KATNAL2: variants seen among roughly 807,000 people sequenced by gnomAD.
KATNAL2 encodes katanin catalytic subunit A1 like 2.
A neutral mutation model predicts 76.3 loss-of-function variants in KATNAL2; 52 were observed. That is an observed-to-expected ratio of 0.68 (90% CI 0.55 to 0.86). The LOEUF is 0.86. Ranked by LOEUF, KATNAL2 falls within the 40% of genes least tolerant of loss-of-function variation. KATNAL2 has a pLI of 0.00. For synonymous variants in KATNAL2, 243 were observed against 244.2 expected (o/e 1.00, Z 0.05); for missense variants, 660 against 668.9 (o/e 0.99, Z 0.15).
intron 3 of KATNAL2, among the ~76,000 whole-genome samples, chr18:47,044,772 CAA>C (rs1569072756): frequency 2.3e-5 from 1 of 43,612 alleles, no homozygotes; most frequent in Non-Finnish European, 5.7e-5. Context: ...AAAAAAAAAA[CAA>C]AAACAAAAAC....
chr18:46,947,114 A>C (rs2059404947), intron 3 of KATNAL2, among the ~76,000 whole-genome samples, 191 bp downstream of exon 3: 1 of 152,230 alleles, frequency 6.6e-6, no homozygotes, highest in Non-Finnish European at 1.5e-5. Flanking sequence ...AGGGAAAAAT[A>C]AATGAGACAC....
At chr18:46,936,664 T>A (rs1461153810) in intron 1 of KATNAL2, among the ~76,000 whole-genome samples, 1 of 152,050 alleles carries the variant, frequency 6.6e-6, no homozygotes, top group African/African-American at 2.4e-5. Flanking sequence ...CATATCCAAA[T>A]TTATGGGCCA....
rs1195140135 is a variant in KATNAL2 at position 47,043,226 on chromosome 18, C to CAAAAAAAAAAAAAAAAAAAAAAAAAAAA, written c.52-3212_52-3211insAAAAAAAAAAAAAAAAAAAAAAAAAAAA. On this transcript the variant is annotated intron_variant, in intron 3 of 17. Coordinates refer to ENST00000683218, the MANE Select transcript of KATNAL2 (RefSeq NM_001387690.1). ...CCGGCGACAGAGCGAGACTCCGTTTCAAAAAAAAAAAAAAAAAAAGAGATC... is the reference window on the plus strand; with the variant it reads ...CCGGCGACAGAGCGAGACTCCGTTTCAAAAAAAAAAAAAAAAAAAAAAAAAAAAAAAAAAAAAAAAAAAAAAAGAGATC... Among the ~76,000 whole-genome samples the CAAAAAAAAAAAAAAAAAAAAAAAAAAAA allele has an allele frequency of 6.2e-4, 26 of 41,680 alleles. 8 individuals carry two copies. The highest frequency in any genetic ancestry group is 0.01 in the Middle Eastern group (1 of 96). The allele number at this position is 41,680 out of a possible 152,430, so 27.3% of individuals were successfully genotyped here.
chr18:47,033,095 C>G (rs2060558641), intron 3 of KATNAL2: 11 of 1,613,954 alleles, frequency 6.8e-6, no homozygotes, highest in Non-Finnish European at 9.3e-6. Context: ...GTTTTGGCCG[C>G]GGGCGCCGCG....
intron 1 of KATNAL2, among the ~76,000 whole-genome samples, chr18:46,924,488 A>G (rs2058669489): frequency 1.3e-5 from 2 of 152,178 alleles, no homozygotes; most frequent in Non-Finnish European, 1.5e-5. Flanking sequence ...GCCTTGTAGT[A>G]TAGTTTGAAG....
At chr18:47,033,194 T>C (rs747262232) in intron 3 of KATNAL2, 1 of 1,614,116 alleles carries the variant, frequency 6.2e-7, no homozygotes, top group South Asian at 1.1e-5. Context: ...CCACCGCCGC[T>C]GCTGCTCTGG....
intron 3 of KATNAL2, among the ~76,000 whole-genome samples, chr18:47,031,915 A>C (rs1409205055): frequency 1.3e-5 from 2 of 152,102 alleles, no homozygotes; most frequent in South Asian, 4.1e-4. Context: ...CATATCTGGC[A>C]TACGTTCCTT....
chr18:47,040,281 G>T (rs550063750), intron 3 of KATNAL2, among the ~76,000 whole-genome samples: 12 of 152,344 alleles, frequency 7.9e-5, no homozygotes, highest in Middle Eastern at 3.4e-3. Context: ...AGACCGGCTG[G>T]TAACCACAGT....
At chr18:47,098,928 G>A (rs1043136051) in intron 15 of KATNAL2, 10 of 222,054 alleles carry the variant, frequency 4.5e-5, no homozygotes, top group South Asian at 1.1e-4. Context: ...AAATTAAGTC[G>A]CATAAAATTA....
Position 46,946,135 on chromosome 18 carries a change from A to G in KATNAL2, c.-431A>G. 1 of 780,060 alleles carries G rather than the reference A, an allele frequency of 1.3e-6. No homozygotes were observed. 48.3% of individuals were successfully genotyped at this position (780,060 alleles called of 1,614,324 possible). A position where few individuals can be genotyped will look rare whatever the true frequency, so the allele number is the denominator to read the frequency against. ...AAATGGATGAAGAAGACCGAAGATAATGATGAAGGGATAATTTGGAATAGG... is the reference window on the plus strand; with the variant it reads ...AAATGGATGAAGAAGACCGAAGATAGTGATGAAGGGATAATTTGGAATAGG... On this transcript the variant is annotated 5_prime_UTR_variant, in exon 2 of 18. It removes an upstream start codon present in the reference 5' UTR. Transcript: ENST00000683218.
intron 3 of KATNAL2, among the ~76,000 whole-genome samples, chr18:47,031,736 C>T (rs2060463159): frequency 1.3e-5 from 2 of 152,124 alleles, no homozygotes; most frequent in Admixed American, 6.6e-5. Context: ...ACCTCGGCCT[C>T]CCAAAGTGCT....
intron 3 of KATNAL2, among the ~76,000 whole-genome samples, chr18:47,031,547 G>T (rs1005062675): frequency 6.6e-6 from 1 of 152,128 alleles, no homozygotes; most frequent in African/African-American, 2.4e-5. Flanking sequence ...CCCTTCCACA[G>T]TTTGTAGAAA....
chr18:47,042,250 G>A (rs573629788), intron 3 of KATNAL2, among the ~76,000 whole-genome samples: 4 of 152,044 alleles, frequency 2.6e-5, no homozygotes, highest in South Asian at 4.2e-4. Flanking sequence ...ATTTATTTTA[G>A]ACTAAATTCA....
At chr18:47,043,902 A>C (rs1369760673) in intron 3 of KATNAL2, among the ~76,000 whole-genome samples, 1 of 152,218 alleles carries the variant, frequency 6.6e-6, no homozygotes, top group Non-Finnish European at 1.5e-5. Flanking sequence ...TATGGTCCTA[A>C]TAATGTAATC....
chr18:46,921,647 A>G lies in KATNAL2; in HGVS notation c.-510+3721A>G, dbSNP rs555442429. 3.9e-5 allele frequency among the ~76,000 whole-genome samples: 6 copies of G among 152,216 alleles called. No homozygotes were observed. In the South Asian group the frequency reaches 1.2e-3, roughly 32 times the overall value. On this transcript the variant is annotated intron_variant, in intron 1 of 17. Transcript: ENST00000683218. The stretch of plus-strand genomic sequence containing the variant: ...GAAAGATGGTAAATTTTTTGTATCT[A>G]AACAGCTAAGCTGATTTTGAATCTA...
rs190787353 is a variant in KATNAL2, at chr18:47,040,275, C to T, written c.52-6182C>T. The stretch of plus-strand genomic sequence containing the variant: ...CTCTGTTAGGTCAACTAGGAAAGAC[C>T]GGCTGGTAACCACAGTTGTTTGTTT... On this transcript the variant is annotated intron_variant, in intron 3 of 17. Transcript: ENST00000683218. Among the ~76,000 whole-genome samples, 308 of 152,290 alleles carry T rather than the reference C, an allele frequency of 2.0e-3. 2 individuals carry two copies. The highest frequency in any genetic ancestry group is 1.9e-3 in the South Asian group (9 of 4,826).
chr18:47,048,339 G>T (rs1329490516), intron 4 of KATNAL2, among the ~76,000 whole-genome samples: 3 of 152,202 alleles, frequency 2.0e-5, no homozygotes, highest in Admixed American at 6.5e-5. Flanking sequence ...TCCTGGAGAG[G>T]TACAAAGGAA....
chr18:47,032,975 G>T, intron 3 of KATNAL2: 1 of 1,613,750 alleles, frequency 6.2e-7, no homozygotes, highest in Non-Finnish European at 8.5e-7. Flanking sequence ...AATCCCCCCA[G>T]ATTTTATCTG....
At position 47,102,116 on chromosome 18, in the gene KATNAL2, G is replaced by C. The variant is rs1314980113; in HGVS notation, c.*1111G>C. 1.3e-5 allele frequency: 2 copies of C among 152,092 alleles called. No homozygotes were observed. Among genetic ancestry groups the C allele is most frequent in the Non-Finnish European group, 2.9e-5 (2 of 68,018 alleles). The allele number at this position is 152,092 out of a possible 1,614,324, so 9.4% of individuals were successfully genotyped here. A position where few individuals can be genotyped will look rare whatever the true frequency, so the allele number is the denominator to read the frequency against. ...TTTTACCCTTTTAAACAAAACCAAA[G>C]CATTTTTTTCGGTATCGATTATTTT... On this transcript the variant is annotated 3_prime_UTR_variant, in exon 18 of 18. Coordinates refer to ENST00000683218, the MANE Select transcript of KATNAL2 (RefSeq NM_001387690.1).
Sources: allele counts gnomAD v4.1 joint callset (sites outside exome capture counted in the v4.1 genomes callset), GRCh38; gene constraint gnomAD v4.1.1; transcripts MANE v1.5; gene names NCBI Gene and HGNC (gene_info 2026-07-23, HGNC 2026-07-21).